Variants in GOPC observed in about 807,000 individuals in gnomAD.
GOPC encodes Golgi-associated PDZ and coiled-coil motif-containing protein.
Under a neutral mutation model 51.2 loss-of-function variants are expected in GOPC, and 32 were observed. The ratio of observed to expected loss-of-function variants is 0.63; its 90% confidence interval spans 0.47 to 0.84. The LOEUF is 0.84. Ranked by LOEUF, GOPC falls within the 40% of genes least tolerant of loss-of-function variation. GOPC has a pLI of 0.00. For missense variants in GOPC, 441 were observed against 555.5 expected (o/e 0.79, Z 2.07); for synonymous variants, 190 against 205.1 (o/e 0.93, Z 0.63).
intron 4 of GOPC, among the ~76,000 whole-genome samples, chr6:117,574,235 AG>A (rs2114611285): frequency 6.6e-6 from 1 of 151,798 alleles, no homozygotes; most frequent in South Asian, 2.1e-4. Flanking sequence ...TGAGCGACAG[AG>A]TGAGACCCCA....
intron 1 of GOPC, among the ~76,000 whole-genome samples, chr6:117,588,433 G>A (rs1224619457): frequency 6.6e-6 from 1 of 151,798 alleles, no homozygotes; most frequent in Non-Finnish European, 1.5e-5. Flanking sequence ...CCGCCACCAC[G>A]CCCAGCTAAT....
In GOPC at chr6:117,569,616, T is replaced by C. The variant is rs1779766128; in HGVS notation, c.1033A>G (p.Arg345Gly). 1 of 1,613,042 alleles carries C rather than the reference T, an allele frequency of 6.2e-7. No individual in the cohort carries two copies. The highest frequency in any genetic ancestry group is 8.5e-7 in the Non-Finnish European group (1 of 1,179,690). Residue 345 changes from arginine (R) to glycine (G), a missense_variant, in exon 7 of 9, where the codon AGG becomes GGG. Transcript: ENST00000368498. ...ACAGCTTCTTTATGCTTTGTGTCCC[T>C]TAGGTTAACTCCGTTGACTGCCAAA... Reference protein sequence around the residue: ...AILAVNGVNLRDTKHKEAVTI... With the variant: ...AILAVNGVNLGDTKHKEAVTI...
intron 1 of GOPC, among the ~76,000 whole-genome samples, chr6:117,579,650 C>T (rs578000186): frequency 6.6e-6 from 1 of 152,208 alleles, no homozygotes; most frequent in South Asian, 2.1e-4. Flanking sequence ...GGACCACTTA[C>T]CAATTCAGTC....
At chr6:117,580,106 G>A (rs1476979587) in intron 1 of GOPC, among the ~76,000 whole-genome samples, 2 of 151,992 alleles carry the variant, frequency 1.3e-5, no homozygotes, top group Non-Finnish European at 2.9e-5. Flanking sequence ...CAAAATAGAA[G>A]CAGTAATGAA....
At chr6:117,591,879 C>T (rs1346055980) in intron 1 of GOPC, among the ~76,000 whole-genome samples, 1 of 152,158 alleles carries the variant, frequency 6.6e-6, no homozygotes. Context: ...CTAGAATGAT[C>T]AGGCAACCAA....
intron 6 of GOPC, among the ~76,000 whole-genome samples, chr6:117,570,330 G>C (rs921333816): frequency 4.6e-5 from 7 of 151,580 alleles, no homozygotes; most frequent in Admixed American, 1.3e-4. Context: ...AAAAACAAAT[G>C]ATCTTGCTCA....
chr6:117,596,554 G>C (rs563994157), intron 1 of GOPC, among the ~76,000 whole-genome samples: 2 of 152,122 alleles, frequency 1.3e-5, no homozygotes, highest in Non-Finnish European at 2.9e-5. Flanking sequence ...GATCCATCTT[G>C]AGTTGATTTT....
At chr6:117,586,898 C>T (rs1361639816) in intron 1 of GOPC, among the ~76,000 whole-genome samples, 3 of 152,184 alleles carry the variant, frequency 2.0e-5, no homozygotes, top group South Asian at 2.1e-4. Flanking sequence ...TTTTCTTGTA[C>T]ACCTTCAAAA....
chr6:117,579,556 G>A (rs1317901534), intron 1 of GOPC, among the ~76,000 whole-genome samples: 1 of 152,028 alleles, frequency 6.6e-6, no homozygotes, highest in Non-Finnish European at 1.5e-5. Context: ...AGGTGCTAAG[G>A]TATCAACTTC....
At chr6:117,579,602 G>C (rs1779930120) in intron 1 of GOPC, among the ~76,000 whole-genome samples, 1 of 152,080 alleles carries the variant, frequency 6.6e-6, no homozygotes, top group Admixed American at 6.6e-5. Flanking sequence ...AGAGTTAACT[G>C]TAAGTCTTCA....
At chr6:117,578,453 G>T (rs549104709) in intron 2 of GOPC, among the ~76,000 whole-genome samples, 55 of 152,184 alleles carry the variant, frequency 3.6e-4, no homozygotes, top group African/African-American at 1.3e-3. Flanking sequence ...CACAGTGATG[G>T]AAGGAATCTG....
rs1219401500 is a variant in GOPC at position 117,562,872 on chromosome 6, A to C, written c.*382T>G. On this transcript the variant is annotated 3_prime_UTR_variant, in exon 9 of 9. Coordinates refer to ENST00000368498, the MANE Select transcript of GOPC (RefSeq NM_020399.4). ...TAGAATATAAAATATGAATTCACTT[A>C]CTCTCTGTATTTTAAAGGGTACTCC... 1.3e-5 allele frequency: 3 copies of C among 225,238 alleles called. No homozygotes were observed. The highest frequency in any genetic ancestry group is 2.2e-5 in the African/African-American group (1 of 44,726). The allele number at this position is 225,238 out of a possible 1,614,324, so 14.0% of individuals were successfully genotyped here.
intron 1 of GOPC, 37 bp downstream of exon 1, chr6:117,601,967 G>A: frequency 6.2e-7 from 1 of 1,604,940 alleles, no homozygotes; most frequent in Non-Finnish European, 8.5e-7. Flanking sequence ...GGGCAGCCTG[G>A]GGTTGGATGC....
chr6:117,575,128 A>G (rs919031369), intron 4 of GOPC, 49 bp downstream of exon 4: 1 of 1,352,482 alleles, frequency 7.4e-7, no homozygotes, highest in African/African-American at 1.5e-5. Context: ...ACCTCATTAA[A>G]TATCCAATTT....
intron 2 of GOPC, 77 bp from the exon 3 acceptor site, chr6:117,577,548 A>G (rs1311957621): frequency 5.9e-6 from 7 of 1,181,400 alleles, no homozygotes; most frequent in Non-Finnish European, 7.2e-6. Context: ...TAGTCATTAT[A>G]AGGAAAAATC....
chr6:117,600,342 C>T (rs1771976152), intron 1 of GOPC, among the ~76,000 whole-genome samples: 1 of 152,188 alleles, frequency 6.6e-6, no homozygotes, highest in Non-Finnish European at 1.5e-5. Flanking sequence ...GTGGATTAAT[C>T]CATTCATAAG....
chr6:117,577,991 A>T (rs529346305), intron 2 of GOPC, among the ~76,000 whole-genome samples: 1 of 152,254 alleles, frequency 6.6e-6, no homozygotes, highest in South Asian at 2.1e-4. Context: ...TTATATCATC[A>T]ACATCATTTC....
intron 6 of GOPC, among the ~76,000 whole-genome samples, chr6:117,570,298 T>C (rs1415538152): frequency 5.3e-5 from 8 of 151,514 alleles, no homozygotes; most frequent in African/African-American, 1.7e-4. Flanking sequence ...ATAAGAAACA[T>C]TTCTACATTA....
intron 1 of GOPC, among the ~76,000 whole-genome samples, chr6:117,597,439 A>G (rs1780213318): frequency 6.6e-6 from 1 of 152,182 alleles, no homozygotes; most frequent in African/African-American, 2.4e-5. Flanking sequence ...AGAAGTGGTG[A>G]AGGGGGGCAC....
Sources: gnomAD v4.1 joint callset for allele counts (sites outside exome capture counted in the v4.1 genomes callset) on GRCh38, gnomAD v4.1.1 for gene constraint, MANE v1.5 for transcripts, NCBI Gene and HGNC (gene_info 2026-07-23, HGNC 2026-07-21) for gene names.